Variants in GPC6 observed in about 807,000 individuals in gnomAD.
GPC6 encodes glypican-6.
In GPC6, 14 loss-of-function variants were observed where a neutral mutation model predicts 55.2. The observed-to-expected ratio is 0.25, with a 90% CI of 0.17 to 0.40. GPC6 has a LOEUF of 0.40. Ranked by LOEUF, GPC6 falls within the 10% of genes least tolerant of loss-of-function variation. GPC6 has a pLI of 1.00. For synonymous variants in GPC6, 278 were observed against 259.6 expected, an observed-to-expected ratio of 1.07 and a Z score of -0.68; for missense variants, 641 against 708.5, an observed-to-expected ratio of 0.90 and a Z score of 1.08.
At chr13:94,104,885 T>C (rs1196175394) in intron 4 of GPC6, among the ~76,000 whole-genome samples, 1 of 152,044 alleles carries the variant, frequency 6.6e-6, no homozygotes, top group Non-Finnish European at 1.5e-5. Context: ...AAAATGGCCA[T>C]ACTGCCCAAG....
intron 6 of GPC6, among the ~76,000 whole-genome samples, chr13:94,368,685 A>ACTT (rs1232239051): frequency 6.6e-6 from 1 of 152,178 alleles, no homozygotes; most frequent in Non-Finnish European, 1.5e-5. Flanking sequence ...AGACTTAGGA[A>ACTT]CTTTAAATAC....
At chr13:94,386,759 CTCTT>C (rs1455444654) in intron 7 of GPC6, among the ~76,000 whole-genome samples, 3 of 152,146 alleles carry the variant, frequency 2.0e-5, no homozygotes, top group South Asian at 2.1e-4. Flanking sequence ...ATTTCTTCCT[CTCTT>C]TCTGTTTTAT....
intron 2 of GPC6, among the ~76,000 whole-genome samples, chr13:93,655,003 A>ATTTTTTTTTTTTTTTTTTTTTT (rs3884231): frequency 9.5e-6 from 1 of 104,756 alleles, no homozygotes; most frequent in African/African-American, 3.7e-5. Flanking sequence ...TGCCCGGCTA[A>ATTTTTTTTTTTTTTTTTTTTTT]TTTTTTTTTT....
intron 1 of GPC6, among the ~76,000 whole-genome samples, chr13:93,490,477 T>TC (rs1555304742): frequency 1.4e-5 from 2 of 138,874 alleles, no homozygotes; most frequent in Admixed American, 1.4e-4. Flanking sequence ...TTTTTTTTTT[T>TC]CAACTTGAGT....
At chr13:94,335,725 G>A (rs143696770) in intron 6 of GPC6, among the ~76,000 whole-genome samples, 92 of 152,242 alleles carry the variant, frequency 6.0e-4, no homozygotes, top group African/African-American at 2.1e-3. Context: ...GATTTGAACT[G>A]CATGTTTCTG....
intron 2 of GPC6, among the ~76,000 whole-genome samples, chr13:93,546,367 T>C (rs1874788641): frequency 6.6e-6 from 1 of 152,208 alleles, no homozygotes; most frequent in Non-Finnish European, 1.5e-5. Context: ...TTCTGTGTAG[T>C]AGGTAAAATG....
At chr13:93,924,924 C>T (rs1046209583) in intron 3 of GPC6, among the ~76,000 whole-genome samples, 1 of 152,054 alleles carries the variant, frequency 6.6e-6, no homozygotes, top group African/African-American at 2.4e-5. Context: ...ACATTAAGCT[C>T]ATTAACGTAT....
intron 4 of GPC6, among the ~76,000 whole-genome samples, chr13:94,044,269 G>T (rs768933070): frequency 6.6e-6 from 1 of 151,742 alleles, no homozygotes; most frequent in African/African-American, 2.4e-5. Flanking sequence ...TTACAAGAAG[G>T]GTAGCATACT....
At chr13:93,371,918 A>T (rs1382621802) in intron 1 of GPC6, among the ~76,000 whole-genome samples, 1 of 152,152 alleles carries the variant, frequency 6.6e-6, no homozygotes, top group East Asian at 1.9e-4. Context: ...ACCATTGGAG[A>T]TCTCTGTTCC....
rs1178107355 is a variant in GPC6 at position 93,594,446 on chromosome 13, T to C, written c.319+49025T>C. On this transcript the variant is annotated intron_variant, in intron 2 of 8. Coordinates refer to ENST00000377047, the MANE Select transcript of GPC6 (RefSeq NM_005708.5). ...ATACTTTTTGATGTATATCATATAA[T>C]AGTATAACTCATTTTTATATTTAAC... 9.9e-5 allele frequency among the ~76,000 whole-genome samples: 15 copies of C among 152,278 alleles called. No homozygotes were observed. The East Asian group carries it at 2.5e-3, about 26-fold the overall frequency.
intron 1 of GPC6, among the ~76,000 whole-genome samples, chr13:93,313,851 G>A (rs1328374): frequency 0.24 from 36,169 of 151,918 alleles, 4,435 homozygotes; most frequent in East Asian, 0.3. Flanking sequence ...ATCTTCTAAA[G>A]ATTATAAAAA....
chr13:93,717,686 C>T (rs1010321223), intron 2 of GPC6, among the ~76,000 whole-genome samples: 1 of 151,630 alleles, frequency 6.6e-6, no homozygotes, highest in African/African-American at 2.4e-5. Context: ...CATAGGTATA[C>T]ATGTGCCATG....
chr13:94,378,470 C>CT (rs1280358489), intron 6 of GPC6, among the ~76,000 whole-genome samples: 1 of 152,150 alleles, frequency 6.6e-6, no homozygotes, highest in Non-Finnish European at 1.5e-5. Flanking sequence ...CCTCTTTTGT[C>CT]TAATTTTACA....
At chr13:93,665,399 T>C (rs1881091830) in intron 2 of GPC6, among the ~76,000 whole-genome samples, 1 of 152,178 alleles carries the variant, frequency 6.6e-6, no homozygotes, top group African/African-American at 2.4e-5. Flanking sequence ...GTTTTCTACA[T>C]ATATTAATAT....
At chr13:93,792,003 T>C (rs1886054672) in intron 2 of GPC6, among the ~76,000 whole-genome samples, 2 of 152,232 alleles carry the variant, frequency 1.3e-5, no homozygotes, top group South Asian at 4.1e-4. Flanking sequence ...TTCTAAAGAA[T>C]GACCTATTAA....
intron 4 of GPC6, among the ~76,000 whole-genome samples, chr13:94,268,349 A>G (rs1014155245): frequency 5.9e-5 from 9 of 152,212 alleles, no homozygotes; most frequent in Non-Finnish European, 1.0e-4. Flanking sequence ...ACACATCAGC[A>G]TGCTTTTTCT....
rs80312086 is a variant in GPC6 at position 93,780,773 on chromosome 13, G to C, written c.320-49381G>C. Among the ~76,000 whole-genome samples, 9 of 152,038 alleles carry C rather than the reference G, an allele frequency of 5.9e-5. No homozygotes were observed. In the East Asian group the frequency reaches 1.7e-3, roughly 29 times the overall value. ...TTTTTAACTTTGAACATCTATTTTG[G>C]TCATTGCCTTTATGTTTCTTCATAT... On this transcript the variant is annotated intron_variant, in intron 2 of 8. Transcript: ENST00000377047.
chr13:94,350,531 T>C (rs567507484), intron 6 of GPC6, among the ~76,000 whole-genome samples: 2 of 152,322 alleles, frequency 1.3e-5, no homozygotes, highest in Admixed American at 1.3e-4. Flanking sequence ...TGGTTGCCCA[T>C]TGTGGTACCC....
At chr13:93,707,612 A>G (rs994650143) in intron 2 of GPC6, among the ~76,000 whole-genome samples, 22 of 151,932 alleles carry the variant, frequency 1.4e-4, no homozygotes, top group African/African-American at 5.3e-4. Context: ...TAAGATTGCT[A>G]TGCATAACAA....
Sources: allele counts gnomAD v4.1 joint callset (sites outside exome capture counted in the v4.1 genomes callset), GRCh38; gene constraint gnomAD v4.1.1; transcripts MANE v1.5; gene names NCBI Gene and HGNC (gene_info 2026-07-23, HGNC 2026-07-21).